PPP4R3A: variants seen among roughly 807,000 people sequenced by gnomAD.
PPP4R3A encodes serine/threonine-protein phosphatase 4 regulatory subunit 3A.
In PPP4R3A, 15 loss-of-function variants were observed where a neutral mutation model predicts 91.7. The observed-to-expected ratio is 0.16, with a 90% CI of 0.11 to 0.25. The LOEUF (loss-of-function observed/expected upper bound fraction) is 0.25. Ranked by LOEUF, PPP4R3A falls within the 10% of genes least tolerant of loss-of-function variation. PPP4R3A has a pLI of 1.00. For synonymous variants in PPP4R3A, 377 were observed against 348.7 expected, an observed-to-expected ratio of 1.08 and a Z score of -0.91; for missense variants, 623 against 998.4, an observed-to-expected ratio of 0.62 and a Z score of 5.07.
upstream of PPP4R3A, chr14:91,510,350 G>GC (rs1891729375): frequency 6.6e-6 from 1 of 152,480 alleles, no homozygotes; most frequent in Non-Finnish European, 1.5e-5. Flanking sequence ...GCGGCTCGTA[G>GC]CCCCACCATT....
Position 91,509,654 on chromosome 14 carries a change from G to T in PPP4R3A, c.-7C>A, listed in dbSNP as rs373175775. The T allele has an allele frequency of 6.6e-5, 105 of 1,592,804 alleles. No individual in the cohort carries two copies. Among genetic ancestry groups the T allele is most frequent in the Admixed American group, 2.2e-4 (13 of 59,438 alleles). On this transcript the variant is annotated 5_prime_UTR_variant, in exon 1 of 15. Coordinates refer to ENST00000554943, the MANE Select transcript of PPP4R3A (RefSeq NM_001366432.2). ...GCCGCCGGGTGTCGGTCATCGTGCC[G>T]CCCGGGAACCGGGGCGGGGGCCCCG...
At chr14:91,472,178 C>G (rs572032083) in intron 9 of PPP4R3A, among the ~76,000 whole-genome samples, 1 of 151,268 alleles carries the variant, frequency 6.6e-6, no homozygotes, top group Non-Finnish European at 1.5e-5. Context: ...ATTAAACACA[C>G]GCACACGCAC....
chr14:91,507,823 C>T (rs895870136), intron 1 of PPP4R3A, among the ~76,000 whole-genome samples: 1 of 151,700 alleles, frequency 6.6e-6, no homozygotes, highest in African/African-American at 2.4e-5. Flanking sequence ...AAATTGATCT[C>T]AAATCTACAT....
intron 8 of PPP4R3A, 34 bp from the exon 9 acceptor site, chr14:91,473,169 C>T (rs762375864): frequency 6.2e-7 from 1 of 1,613,494 alleles, no homozygotes; most frequent in East Asian, 2.2e-5. Flanking sequence ...TGAACTTTAA[C>T]CACACTGGTT....
Position 91,509,723 on chromosome 14 carries a change from A to AG in PPP4R3A, c.-77dup. 1 of 1,452,898 alleles carries AG rather than the reference A, an allele frequency of 6.9e-7. No homozygotes were observed. The highest frequency in any genetic ancestry group is 1.4e-5 in the South Asian group (1 of 73,642). 90.0% of individuals were successfully genotyped at this position (1,452,898 alleles called of 1,614,324 possible). ...AGGGGCCCTGGAGAGGCGAGGGGCG[A>AG]GGCGTGAGGGCGCCCGCGAGCGGAG... On this transcript the variant is annotated 5_prime_UTR_variant, in exon 1 of 15. Transcript: ENST00000554943.
rs1887845571 is a variant in PPP4R3A at position 91,457,646 on chromosome 14, A to C, written c.*1113T>G. Reference sequence around the variant, plus strand: ...TCTTCACTTTTCTTTTTATTATTCAAAAGTCAAATGTTTTTAAATCATCCA... The same window carrying C: ...TCTTCACTTTTCTTTTTATTATTCACAAGTCAAATGTTTTTAAATCATCCA... On this transcript the variant is annotated 3_prime_UTR_variant, in exon 15 of 15. Transcript: ENST00000554943. The C allele has an allele frequency of 6.6e-6, 1 of 152,632 alleles. No individual in the cohort carries two copies. The highest frequency in any genetic ancestry group is 1.5e-5 in the Non-Finnish European group (1 of 68,028). 9.5% of individuals were successfully genotyped at this position (152,632 alleles called of 1,614,324 possible).
At chr14:91,497,685 T>G (rs766069316) in intron 1 of PPP4R3A, among the ~76,000 whole-genome samples, 2 of 152,150 alleles carry the variant, frequency 1.3e-5, no homozygotes, top group Non-Finnish European at 2.9e-5. Flanking sequence ...AGACTGAAAA[T>G]TGAATCATCT....
Position 91,509,846 on chromosome 14 carries a change from T to G in PPP4R3A, c.-199A>C. ...CCGAGCTCTGGGCCGCCGCCTTTCC[T>G]CGCCTCCGGCTCCCCGGCGCTATTG... is the stretch of plus-strand genomic sequence containing the variant. On this transcript the variant is annotated 5_prime_UTR_variant, in exon 1 of 15. Coordinates refer to ENST00000554943, the MANE Select transcript of PPP4R3A (RefSeq NM_001366432.2). 8.6e-7 allele frequency: 1 copy of G among 1,159,218 alleles called. No individual in the cohort carries two copies. Among genetic ancestry groups the G allele is most frequent in the Non-Finnish European group, 1.1e-6 (1 of 944,176 alleles). The allele number at this position is 1,159,218 out of a possible 1,614,324, so 71.8% of individuals were successfully genotyped here.
chr14:91,479,847 C>A (rs1889444635), intron 4 of PPP4R3A, among the ~76,000 whole-genome samples: 1 of 152,176 alleles, frequency 6.6e-6, no homozygotes, highest in Admixed American at 6.5e-5. Context: ...CAGCCCCAGG[C>A]TAGTCTTTAA....
chr14:91,459,393 A>G (rs1466208231), intron 14 of PPP4R3A, among the ~76,000 whole-genome samples: 2 of 152,224 alleles, frequency 1.3e-5, no homozygotes, highest in East Asian at 3.9e-4. Context: ...GGCATGAGCC[A>G]CTGCACCCAA....
Position 91,473,409 on chromosome 14 carries a change from T to G in PPP4R3A, c.1267-39A>C, listed in dbSNP as rs772084774. On this transcript the variant is annotated intron_variant, in intron 7 of 14. Coordinates refer to ENST00000554943, the MANE Select transcript of PPP4R3A (RefSeq NM_001366432.2). ...TAGACATACTCAGGATCACTTATTATGAGAGAACGGAAAAAGCAAAAACTA... is the reference window on the plus strand; with the variant it reads ...TAGACATACTCAGGATCACTTATTAGGAGAGAACGGAAAAAGCAAAAACTA... 3.2e-6 allele frequency: 5 copies of G among 1,580,284 alleles called. No individual in the cohort carries two copies. In the East Asian group the frequency reaches 1.1e-4, roughly 35 times the overall value.
At chr14:91,479,655 C>T (rs766235252) in intron 4 of PPP4R3A, among the ~76,000 whole-genome samples, 2 of 152,100 alleles carry the variant, frequency 1.3e-5, no homozygotes, top group Non-Finnish European at 1.5e-5. Flanking sequence ...ATGATTCTCT[C>T]GTCTCAGCCT....
At chr14:91,482,836 T>TA (rs2140116553) in intron 3 of PPP4R3A, among the ~76,000 whole-genome samples, 1 of 152,222 alleles carries the variant, frequency 6.6e-6, no homozygotes, top group African/African-American at 2.4e-5. Flanking sequence ...ACACAGGATT[T>TA]AAAAAACACT....
rs372908590 is a variant in PPP4R3A at position 91,462,812 on chromosome 14, A to T, written c.1896T>A (p.Asp632Glu). The T allele has an allele frequency of 1.2e-6, 2 of 1,611,550 alleles. No homozygotes were observed. Among genetic ancestry groups the T allele is most frequent in the Non-Finnish European group, 1.7e-6 (2 of 1,177,986 alleles). ...TTAATCCTTTAAATGTCTGTACATA[A>T]TCTACATCTTCCAGTGCTTTCCAGT... ...ENYWKALEDV[D>E]YVQTFKGLKL... The change falls in exon 12 of 15, where the codon GAT (aspartate) becomes GAA (glutamate). Residue 632 changes from aspartate (D) to glutamate (E), a missense_variant. Coordinates refer to ENST00000554943, the MANE Select transcript of PPP4R3A (RefSeq NM_001366432.2).
intron 10 of PPP4R3A, among the ~76,000 whole-genome samples, chr14:91,467,932 G>A (rs917551086): frequency 6.6e-6 from 1 of 152,048 alleles, no homozygotes; most frequent in African/African-American, 2.4e-5. Flanking sequence ...ATACTTCAAT[G>A]TACACTTTTT....
chr14:91,477,360 C>G (rs1889275439), intron 4 of PPP4R3A, among the ~76,000 whole-genome samples: 1 of 152,144 alleles, frequency 6.6e-6, no homozygotes. Context: ...CCAACACTTG[C>G]TGACCCCTCA....
intron 10 of PPP4R3A, 104 bp downstream of exon 10, chr14:91,470,733 T>C: frequency 7.5e-7 from 1 of 1,332,866 alleles, no homozygotes; most frequent in Non-Finnish European, 1.0e-6. Flanking sequence ...TATTACGACC[T>C]AGATCTCCTG....
At chr14:91,484,658 CAGT>C (rs1434458461) in intron 3 of PPP4R3A, among the ~76,000 whole-genome samples, 4 of 152,006 alleles carry the variant, frequency 2.6e-5, no homozygotes, top group African/African-American at 9.7e-5. Flanking sequence ...GTTTTTGATC[CAGT>C]AGGTCTGGGG....
intron 1 of PPP4R3A, among the ~76,000 whole-genome samples, chr14:91,501,461 CT>C (rs970052362): frequency 2.0e-5 from 3 of 152,090 alleles, no homozygotes; most frequent in African/African-American, 7.2e-5. Flanking sequence ...TAATGCCAGC[CT>C]GGGCAACATA....
Sources: allele counts gnomAD v4.1 joint callset (sites outside exome capture counted in the v4.1 genomes callset), GRCh38; gene constraint gnomAD v4.1.1; transcripts MANE v1.5; gene names NCBI Gene and HGNC (gene_info 2026-07-23, HGNC 2026-07-21).